The following LRRTM4 variants were observed in gnomAD, a reference collection of about 807,000 sequenced individuals.
LRRTM4 encodes leucine rich repeat transmembrane neuronal 4, also known as leucine-rich repeat transmembrane neuronal protein 4.
A neutral mutation model predicts 47.6 loss-of-function variants in LRRTM4; 25 were observed. That is an observed-to-expected ratio of 0.53 (90% CI 0.38 to 0.73). The LOEUF is 0.73. Among genes scored for constraint, LRRTM4 ranks in the 30% least tolerant of loss-of-function variants. The pLI, the probability that LRRTM4 is intolerant of heterozygous loss-of-function variation, is 0.00. For missense variants in LRRTM4, 638 were observed against 713.4 expected (o/e 0.89, Z 1.20); for synonymous variants, 311 against 269.5 (o/e 1.15, Z -1.51).
intron 3 of LRRTM4, among the ~76,000 whole-genome samples, chr2:76,898,995 C>T (rs1673522888): frequency 6.6e-6 from 1 of 152,010 alleles, no homozygotes; most frequent in Non-Finnish European, 1.5e-5. Context: ...GATTAATTTA[C>T]ATTCACAAAT....
At position 76,778,591 on chromosome 2, in the gene LRRTM4, G is replaced by A. The variant is rs948112990; in HGVS notation, c.1552-29675C>T. On this transcript the variant is annotated intron_variant, in intron 3 of 3. Transcript: ENST00000409884. Reference sequence around the variant, plus strand: ...CTCTGATGGTAGTTTGTATTTCTGTGGGATCGGTGGTGATATCCCCTTTAT... The same window carrying A: ...CTCTGATGGTAGTTTGTATTTCTGTAGGATCGGTGGTGATATCCCCTTTAT... Among the ~76,000 whole-genome samples the A allele has an allele frequency of 5.7e-4, 87 of 152,132 alleles. 1 individual carries two copies. The highest frequency in any genetic ancestry group is 2.1e-3 in the African/African-American group (87 of 41,414).
intron 3 of LRRTM4, among the ~76,000 whole-genome samples, chr2:76,875,738 A>T (rs1314945517): frequency 1.3e-5 from 2 of 152,162 alleles, no homozygotes; most frequent in African/African-American, 2.4e-5. Context: ...AGAAAAGTTT[A>T]AGGTGTGTAT....
intron 3 of LRRTM4, among the ~76,000 whole-genome samples, chr2:76,896,227 C>G (rs939300195): frequency 6.6e-6 from 1 of 151,934 alleles, no homozygotes; most frequent in African/African-American, 2.4e-5. Context: ...CACACACACA[C>G]AGACACACGA....
At chr2:77,421,622 G>C (rs901433596) in intron 3 of LRRTM4, among the ~76,000 whole-genome samples, 7 of 152,056 alleles carry the variant, frequency 4.6e-5, no homozygotes, top group Non-Finnish European at 1.0e-4. Context: ...CAGGAGAATG[G>C]CGTGAACCCG....
chr2:76,903,484 C>G (rs562061226), intron 3 of LRRTM4, among the ~76,000 whole-genome samples: 1 of 151,918 alleles, frequency 6.6e-6, no homozygotes, highest in Non-Finnish European at 1.5e-5. Context: ...TGTAGTGAGC[C>G]GAGATTGCAT....
intron 3 of LRRTM4, among the ~76,000 whole-genome samples, chr2:77,191,996 A>G (rs1673682947): frequency 6.6e-6 from 1 of 152,068 alleles, no homozygotes; most frequent in South Asian, 2.1e-4. Flanking sequence ...TCCAACTAGT[A>G]AATAAGACAT....
chr2:76,837,374 T>C (rs1671545378), intron 3 of LRRTM4, among the ~76,000 whole-genome samples: 1 of 152,226 alleles, frequency 6.6e-6, no homozygotes, highest in Middle Eastern at 3.4e-3. Flanking sequence ...TTTGTCTCTA[T>C]TTCCTTCAGT....
At chr2:76,807,425 C>CACACAT (rs368842956) in intron 3 of LRRTM4, among the ~76,000 whole-genome samples, 15,153 of 97,596 alleles carry the variant, frequency 0.16, 1,444 homozygotes, top group East Asian at 0.34. Flanking sequence ...TATATATATA[C>CACACAT]ATATATATAT....
intron 3 of LRRTM4, among the ~76,000 whole-genome samples, chr2:77,224,327 A>G (rs1674738200): frequency 6.6e-6 from 1 of 152,230 alleles, no homozygotes. Context: ...AAAACACCAG[A>G]AGCAATGGCA....
intron 3 of LRRTM4, among the ~76,000 whole-genome samples, chr2:77,221,635 C>A (rs1274004503): frequency 1.3e-5 from 2 of 151,992 alleles, no homozygotes; most frequent in Non-Finnish European, 2.9e-5. Context: ...GTAAAGGGAT[C>A]AATTCAACAA....
At chr2:77,090,151 G>C (rs894824810) in intron 3 of LRRTM4, among the ~76,000 whole-genome samples, 3 of 151,990 alleles carry the variant, frequency 2.0e-5, no homozygotes, top group African/African-American at 4.8e-5. Flanking sequence ...CTCACACCTG[G>C]TCTGGCTTAC....
chr2:77,331,633 A>G (rs1390291344), intron 3 of LRRTM4, among the ~76,000 whole-genome samples: 2 of 152,192 alleles, frequency 1.3e-5, no homozygotes, highest in African/African-American at 2.4e-5. Flanking sequence ...AATTCATACC[A>G]TGTTTCAAAA....
intron 3 of LRRTM4, among the ~76,000 whole-genome samples, chr2:77,497,056 C>T (rs933138634): frequency 5.9e-5 from 9 of 151,598 alleles, no homozygotes; most frequent in African/African-American, 1.7e-4. Context: ...GTGTAAATTA[C>T]ACCTAAGTTA....
intron 3 of LRRTM4, among the ~76,000 whole-genome samples, chr2:77,024,289 T>C (rs1678374577): frequency 6.6e-6 from 1 of 152,202 alleles, no homozygotes; most frequent in Non-Finnish European, 1.5e-5. Context: ...TCTTTGTTTC[T>C]ATAAGTTTGA....
intron 3 of LRRTM4, among the ~76,000 whole-genome samples, chr2:77,302,651 A>G (rs1369344103): frequency 1.3e-5 from 2 of 152,198 alleles, no homozygotes; most frequent in Non-Finnish European, 2.9e-5. Flanking sequence ...AATTATTTCA[A>G]CAGCAGAGGT....
At chr2:77,503,246 G>A (rs1253081687) in intron 3 of LRRTM4, among the ~76,000 whole-genome samples, 1 of 151,658 alleles carries the variant, frequency 6.6e-6, no homozygotes, top group Non-Finnish European at 1.5e-5. Flanking sequence ...CACTAGTAAA[G>A]ATGGAGAGAC....
intron 3 of LRRTM4, among the ~76,000 whole-genome samples, chr2:76,854,938 CAGT>C (rs1190604384): frequency 7.0e-6 from 1 of 143,728 alleles, no homozygotes; most frequent in Non-Finnish European, 1.5e-5. Context: ...AAGAAAGAAA[CAGT>C]AGAGCAGAGT....
rs370626938 is a variant in LRRTM4, at chr2:77,053,546, C to T, written c.1552-304630G>A. On this transcript the variant is annotated intron_variant, in intron 3 of 3. Coordinates refer to ENST00000409884, the MANE Select transcript of LRRTM4 (RefSeq NM_001134745.3). Reference sequence around the variant, plus strand: ...CTTTGTGTTTTCTGAAGATTTATTCCAGGCCTAAAATGATTGCTTACAGCT... The same window carrying T: ...CTTTGTGTTTTCTGAAGATTTATTCTAGGCCTAAAATGATTGCTTACAGCT... 4.6e-5 allele frequency among the ~76,000 whole-genome samples: 7 copies of T among 152,018 alleles called. No individual in the cohort carries two copies. In the South Asian group the frequency reaches 1.2e-3, roughly 27 times the overall value.
At chr2:76,961,954 C>T (rs1675874943) in intron 3 of LRRTM4, among the ~76,000 whole-genome samples, 1 of 151,034 alleles carries the variant, frequency 6.6e-6, no homozygotes, top group East Asian at 2.0e-4. Flanking sequence ...TCAATGAAGC[C>T]CCTTTATGAA....
Sources: gnomAD v4.1 joint callset for allele counts (sites outside exome capture counted in the v4.1 genomes callset) on GRCh38, gnomAD v4.1.1 for gene constraint, MANE v1.5 for transcripts, NCBI Gene and HGNC (gene_info 2026-07-23, HGNC 2026-07-21) for gene names.